The following MAP3K5 variants were observed in gnomAD, a reference collection of about 807,000 sequenced individuals.
MAP3K5 encodes the protein mitogen-activated protein kinase kinase kinase 5.
A neutral mutation model predicts 158.7 loss-of-function variants in MAP3K5; 56 were observed. The observed-to-expected ratio is 0.35, with a 90% CI of 0.28 to 0.44. The LOEUF (loss-of-function observed/expected upper bound fraction) is 0.44, where lower values mean the gene tolerates loss of function less well. Ranked by LOEUF, MAP3K5 falls within the 20% of genes least tolerant of loss-of-function variation. The pLI is 1.00. For missense variants in MAP3K5, 1,294 were observed against 1,674.8 expected (o/e 0.77, Z 3.97); for synonymous variants, 579 against 601.7 (o/e 0.96, Z 0.55).
intron 2 of MAP3K5, among the ~76,000 whole-genome samples, chr6:136,709,692 C>T (rs1030040770): frequency 2.6e-5 from 4 of 152,194 alleles, no homozygotes; most frequent in African/African-American, 9.7e-5. Context: ...TTACATGTCT[C>T]CTCCATCTTC....
At chr6:136,677,372 C>T (rs1240023376) in intron 7 of MAP3K5, among the ~76,000 whole-genome samples, 2 of 151,926 alleles carry the variant, frequency 1.3e-5, no homozygotes, top group African/African-American at 4.8e-5. Flanking sequence ...CTCTTGACCT[C>T]GTGATCTGCC....
intron 1 of MAP3K5, among the ~76,000 whole-genome samples, chr6:136,737,042 T>TATATATATATATATATATATAG (rs1782504012): frequency 7.0e-6 from 1 of 143,596 alleles, no homozygotes; most frequent in African/African-American, 2.8e-5. Context: ...TGTGTGTATA[T>TATATATATATATATATATATAG]ATATATATAT....
intron 2 of MAP3K5, among the ~76,000 whole-genome samples, chr6:136,713,095 CA>C (rs1323210660): frequency 6.6e-6 from 1 of 152,056 alleles, no homozygotes; most frequent in Non-Finnish European, 1.5e-5. Context: ...GTTACAATGC[CA>C]AAAAGATCAA....
chr6:136,577,678 C>T (rs1774679385), intron 25 of MAP3K5, among the ~76,000 whole-genome samples: 1 of 152,166 alleles, frequency 6.6e-6, no homozygotes, highest in Non-Finnish European at 1.5e-5. Context: ...GTTACTTTTG[C>T]TTTTTAAACT....
chr6:136,677,212 A>G (rs1583400794), intron 7 of MAP3K5, among the ~76,000 whole-genome samples: 1 of 122,676 alleles, frequency 8.2e-6, no homozygotes, highest in African/African-American at 3.3e-5. Flanking sequence ...ATCTCGGCTC[A>G]CTGCAAGCTC....
intron 23 of MAP3K5, among the ~76,000 whole-genome samples, chr6:136,589,565 G>A (rs1006774640): frequency 3.7e-4 from 56 of 152,114 alleles, no homozygotes; most frequent in African/African-American, 1.2e-3. Context: ...CTCCAAATTC[G>A]TATGTTGAAG....
chr6:136,737,037 G>GTATATATATATATA lies in MAP3K5; in HGVS notation c.449-16462_449-16449dup, dbSNP rs56011325. 5.3e-3 allele frequency among the ~76,000 whole-genome samples: 667 copies of GTATATATATATATA among 126,934 alleles called. 21 individuals carry two copies. Among genetic ancestry groups the GTATATATATATATA allele is most frequent in the African/African-American group, 0.023 (611 of 26,422 alleles). The allele number at this position is 126,934 out of a possible 152,430, so 83.3% of individuals were successfully genotyped here. A position where few individuals can be genotyped will look rare whatever the true frequency, so the allele number is the denominator to read the frequency against. ...TAATTTTACATATATATATGTGTGT[G>GTATATATATATATA]TATATATATATATATATATAAACTT... On this transcript the variant is annotated intron_variant, in intron 1 of 29. Coordinates refer to ENST00000359015, the MANE Select transcript of MAP3K5 (RefSeq NM_005923.4).
At chr6:136,663,707 T>G (rs925153709) in intron 8 of MAP3K5, among the ~76,000 whole-genome samples, 62 of 151,686 alleles carry the variant, frequency 4.1e-4, no homozygotes, top group African/African-American at 1.5e-3. Context: ...CCTCCCAGGT[T>G]CAAGCGATTC....
chr6:136,635,326 C>T (rs903538282), intron 14 of MAP3K5, among the ~76,000 whole-genome samples: 1 of 151,990 alleles, frequency 6.6e-6, no homozygotes, highest in African/African-American at 2.4e-5. Context: ...TATAATCAAA[C>T]GAGCCCTGAA....
chr6:136,608,973 C>T (rs1191725822), intron 18 of MAP3K5, among the ~76,000 whole-genome samples: 4 of 152,178 alleles, frequency 2.6e-5, no homozygotes, highest in Admixed American at 1.3e-4. Context: ...CCCTCGGGAC[C>T]GGTGCTGGGG....
intron 24 of MAP3K5, among the ~76,000 whole-genome samples, chr6:136,583,117 C>A (rs1774962218): frequency 6.6e-6 from 1 of 152,106 alleles, no homozygotes; most frequent in African/African-American, 2.4e-5. Flanking sequence ...TAGAGAAAAA[C>A]TGGAAAAAAA....
chr6:136,658,607 C>T (rs553468207), intron 9 of MAP3K5, among the ~76,000 whole-genome samples: 1 of 152,236 alleles, frequency 6.6e-6, no homozygotes, highest in South Asian at 2.1e-4. Flanking sequence ...AGCCACCGTG[C>T]GCCCGGCCAA....
intron 1 of MAP3K5, among the ~76,000 whole-genome samples, chr6:136,753,281 T>G (rs901095450): frequency 2.0e-5 from 3 of 152,024 alleles, no homozygotes; most frequent in African/African-American, 7.2e-5. Context: ...CCTTTACTGC[T>G]TTTTTTTCAA....
At chr6:136,776,151 T>G (rs1188105438) in intron 1 of MAP3K5, among the ~76,000 whole-genome samples, 2 of 152,272 alleles carry the variant, frequency 1.3e-5, no homozygotes, top group Non-Finnish European at 2.9e-5. Flanking sequence ...TACATCAATA[T>G]CTTAATTTTA....
chr6:136,735,820 A>G (rs1369772702), intron 1 of MAP3K5, among the ~76,000 whole-genome samples: 1 of 152,086 alleles, frequency 6.6e-6, no homozygotes, highest in Non-Finnish European at 1.5e-5. Context: ...CAGAGCACGA[A>G]CCTATCTCTA....
intron 3 of MAP3K5, 67 bp from the exon 4 acceptor site, chr6:136,698,749 C>T (rs914723101): frequency 3.3e-5 from 35 of 1,054,044 alleles, no homozygotes; most frequent in South Asian, 6.0e-5. Context: ...TGGAATCCCA[C>T]GTCTTACTCA....
intron 1 of MAP3K5, among the ~76,000 whole-genome samples, chr6:136,733,355 T>C (rs1396517771): frequency 6.6e-6 from 1 of 152,184 alleles, no homozygotes; most frequent in African/African-American, 2.4e-5. Context: ...GCCCTGCAAA[T>C]ACTGTCACTG....
At chr6:136,770,595 A>G (rs1784157566) in intron 1 of MAP3K5, among the ~76,000 whole-genome samples, 2 of 152,228 alleles carry the variant, frequency 1.3e-5, no homozygotes, top group African/African-American at 4.8e-5. Context: ...ATTAAACTTT[A>G]TAGAATAAAA....
At chr6:136,568,857 CAAAAAAAA>C (rs60185973) in intron 25 of MAP3K5, among the ~76,000 whole-genome samples, 3 of 45,944 alleles carry the variant, frequency 6.5e-5, no homozygotes, top group Non-Finnish European at 1.3e-4. Flanking sequence ...GAGTCTGTCT[CAAAAAAAA>C]AAAAAAAAAA....
Sources: allele counts gnomAD v4.1 joint callset (sites outside exome capture counted in the v4.1 genomes callset), GRCh38; gene constraint gnomAD v4.1.1; transcripts MANE v1.5; gene names NCBI Gene and HGNC (gene_info 2026-07-23, HGNC 2026-07-21).